GRID2: variants seen among roughly 807,000 people sequenced by gnomAD.
GRID2 encodes the protein glutamate ionotropic receptor delta type subunit 2, also known as glutamate receptor ionotropic, delta-2.
In GRID2, 33 loss-of-function variants were observed where a neutral mutation model predicts 114.8. The ratio of observed to expected loss-of-function variants is 0.29; its 90% CI spans 0.22 to 0.38. The LOEUF is 0.38. Ranked by LOEUF, GRID2 falls within the 10% of genes least tolerant of loss-of-function variation. The pLI, the probability that GRID2 is intolerant of heterozygous loss-of-function variation, is 1.00. For synonymous variants in GRID2, 505 were observed against 449.9 expected, an observed-to-expected ratio of 1.12 and a Z score of -1.55; for missense variants, 1,184 against 1,257.7, an observed-to-expected ratio of 0.94 and a Z score of 0.89.
chr4:92,590,433 G>C, intron 2 of GRID2, 147 bp downstream of exon 2: 1 of 576,836 alleles, frequency 1.7e-6, no homozygotes, highest in South Asian at 2.8e-5. Flanking sequence ...CTGTTTTGTA[G>C]ATGTTAATCT....
intron 2 of GRID2, among the ~76,000 whole-genome samples, chr4:93,054,307 A>AT (rs1246592553): frequency 6.6e-6 from 1 of 150,702 alleles, no homozygotes; most frequent in Non-Finnish European, 1.5e-5. Context: ...CTTATTTGTA[A>AT]TTTTATTTTA....
chr4:93,439,898 C>A (rs1272366214), intron 10 of GRID2, among the ~76,000 whole-genome samples: 2 of 151,970 alleles, frequency 1.3e-5, no homozygotes, highest in Non-Finnish European at 2.9e-5. Context: ...GCCAGCAGAA[C>A]ATGCTGCAGG....
At chr4:93,302,686 C>T in intron 8 of GRID2, 2 of 432,894 alleles carry the variant, frequency 4.6e-6, no homozygotes, top group Non-Finnish European at 4.6e-6. Flanking sequence ...GTTTCATAGG[C>T]TACTTTATTG....
intron 2 of GRID2, among the ~76,000 whole-genome samples, chr4:92,658,368 A>C (rs544049895): frequency 6.6e-6 from 1 of 151,808 alleles, no homozygotes; most frequent in African/African-American, 2.4e-5. Context: ...ATAACTTCAG[A>C]AAGAAATGTT....
chr4:92,713,813 T>C (rs773440215), intron 2 of GRID2, among the ~76,000 whole-genome samples: 1 of 151,890 alleles, frequency 6.6e-6, no homozygotes. Flanking sequence ...GCCCCCATGA[T>C]ACAATTACCT....
At chr4:93,744,534 C>T (rs780153264) in intron 14 of GRID2, among the ~76,000 whole-genome samples, 7 of 152,202 alleles carry the variant, frequency 4.6e-5, no homozygotes, top group East Asian at 1.9e-4. Flanking sequence ...AGAATGGAAG[C>T]GGAGCCTGAA....
chr4:93,453,316 A>AAGAGAGAGAGAGAGAGAGAG (rs3044025), intron 10 of GRID2, among the ~76,000 whole-genome samples: 4 of 127,294 alleles, frequency 3.1e-5, no homozygotes, highest in East Asian at 6.1e-4. Context: ...AGAGATGGGA[A>AAGAGAGAGAGAGAGAGAGAG]AGAGAGAGAG....
At chr4:92,957,184 C>T (rs1416480498) in intron 2 of GRID2, among the ~76,000 whole-genome samples, 1 of 152,088 alleles carries the variant, frequency 6.6e-6, no homozygotes, top group Admixed American at 6.6e-5. Flanking sequence ...ATTTTTCTTT[C>T]ATGAATCATG....
intron 1 of GRID2, among the ~76,000 whole-genome samples, chr4:92,511,727 C>A (rs918260462): frequency 1.3e-5 from 2 of 151,708 alleles, no homozygotes; most frequent in South Asian, 2.1e-4. Context: ...TAGGAACAAG[C>A]AAATCAATGA....
At position 93,455,738 on chromosome 4, in the gene GRID2, T is replaced by G. The variant is rs1723126631; in HGVS notation, c.1622T>G (p.Met541Arg). The stretch of plus-strand genomic sequence containing the variant: ...GTGGTGGACTTTACGACACGTTACA[T>G]GGACTACTCAGTGGGGGTACTACTT... ...ENVVDFTTRY[M>R]DYSVGVLLRR... The change falls in exon 11 of 16, where the codon ATG becomes AGG. Residue 541 changes from methionine (M) to arginine (R), a missense_variant. By Grantham distance (91) the Met-to-Arg change is moderately conservative. Coordinates refer to ENST00000282020, the MANE Select transcript of GRID2 (RefSeq NM_001510.4). The G allele has an allele frequency of 6.2e-7, 1 of 1,611,658 alleles. No homozygotes were observed. The highest frequency in any genetic ancestry group is 1.3e-5 in the African/African-American group (1 of 74,842).
chr4:92,435,219 A>G (rs1404500841), intron 1 of GRID2, among the ~76,000 whole-genome samples: 1 of 152,132 alleles, frequency 6.6e-6, no homozygotes, highest in East Asian at 1.9e-4. Flanking sequence ...GGTTGATAAG[A>G]TCCTTGGGAC....
chr4:93,256,686 G>T (rs370610531), intron 8 of GRID2, among the ~76,000 whole-genome samples: 1 of 151,828 alleles, frequency 6.6e-6, no homozygotes, highest in South Asian at 2.1e-4. Flanking sequence ...AGATGATATG[G>T]ATATAGACAT....
At chr4:93,005,762 A>G (rs997392649) in intron 2 of GRID2, among the ~76,000 whole-genome samples, 1 of 152,076 alleles carries the variant, frequency 6.6e-6, no homozygotes, top group African/African-American at 2.4e-5. Flanking sequence ...GTGGATGAAC[A>G]TCGAAAACTA....
chr4:93,809,345 A>G (rs775461336), exon 2 of GRID2: 3 of 151,324 alleles, frequency 2.0e-5, no homozygotes, highest in Non-Finnish European at 4.4e-5. Flanking sequence ...GTAGAAGCTT[A>G]GAGTGCCCAT....
chr4:92,884,931 TC>T, intron 2 of GRID2: 2 of 329,264 alleles, frequency 6.1e-6, no homozygotes, highest in South Asian at 2.8e-5. Flanking sequence ...ACATTTGGTC[TC>T]CCCAAAAAAA....
intron 2 of GRID2, among the ~76,000 whole-genome samples, chr4:93,054,605 C>G (rs555340858): frequency 4.6e-5 from 7 of 151,972 alleles, no homozygotes; most frequent in African/African-American, 1.7e-4. Context: ...AAGTGGCACT[C>G]TTTATATTTA....
At chr4:92,419,763 T>G (rs1244066675) in intron 1 of GRID2, among the ~76,000 whole-genome samples, 7 of 152,060 alleles carry the variant, frequency 4.6e-5, no homozygotes, top group African/African-American at 1.7e-4. Context: ...AACTAACACT[T>G]ATTTAGGTGC....
intron 2 of GRID2, among the ~76,000 whole-genome samples, chr4:93,003,835 A>T (rs1050596896): frequency 1.3e-5 from 2 of 151,958 alleles, no homozygotes; most frequent in Non-Finnish European, 2.9e-5. Context: ...TTCAGCAACT[A>T]GTGGGCCAAG....
chr4:93,180,372 G>C (rs980416825), intron 4 of GRID2, among the ~76,000 whole-genome samples: 1 of 152,074 alleles, frequency 6.6e-6, no homozygotes, highest in Non-Finnish European at 1.5e-5. Flanking sequence ...ACAATCATCT[G>C]GGCCTTTAGT....
Sources: allele counts gnomAD v4.1 joint callset (sites outside exome capture counted in the v4.1 genomes callset), GRCh38; gene constraint gnomAD v4.1.1; transcripts MANE v1.5; gene names NCBI Gene and HGNC (gene_info 2026-07-23, HGNC 2026-07-21).